Variants in CMTM8 observed in about 807,000 individuals in gnomAD.
CMTM8 encodes CKLF-like MARVEL transmembrane domain-containing protein 8.
CMTM8 carries 12 observed loss-of-function variants against 18.6 expected under a neutral mutation model. The ratio of observed to expected loss-of-function variants is 0.65; its 90% CI spans 0.41 to 1.05. The LOEUF (loss-of-function observed/expected upper bound fraction) is 1.05. Among genes scored for constraint, CMTM8 ranks in the 50% least tolerant of loss-of-function variants. The pLI is 0.00. For synonymous variants in CMTM8, 87 were observed against 90.6 expected (o/e 0.96, Z 0.23); for missense variants, 217 against 227.2 (o/e 0.95, Z 0.29).
intron 2 of CMTM8, among the ~76,000 whole-genome samples, chr3:32,363,415 C>T (rs571312211): frequency 6.6e-6 from 1 of 152,310 alleles, no homozygotes; most frequent in South Asian, 2.1e-4. Flanking sequence ...ACAGTGTTGA[C>T]ATTGTATATG....
chr3:32,309,585 G>A (rs1426092316), intron 1 of CMTM8, among the ~76,000 whole-genome samples: 1 of 152,030 alleles, frequency 6.6e-6, no homozygotes, highest in East Asian at 1.9e-4. Context: ...GTGATTGCAG[G>A]CATGAGCCAC....
chr3:32,357,406 G>A lies in CMTM8; in HGVS notation c.181G>A (p.Gly61Arg), dbSNP rs1270078869. ...GCTGCTGGTATGGACGCTTATTGCT[G>A]GAACTGAGTACTTCCGGGTCCCCGC... ...LGLLVWTLIA[G>R]TEYFRVPAFG... The change falls in exon 2 of 4, where the codon GGA becomes AGA. Residue 61 changes from glycine (G) to arginine (R), a missense_variant. By Grantham distance (125) the Gly-to-Arg change is moderately radical. Transcript: ENST00000307526. The A allele has an allele frequency of 6.2e-7, 1 of 1,613,982 alleles. No individual in the cohort carries two copies. The highest frequency in any genetic ancestry group is 1.3e-5 in the African/African-American group (1 of 74,968).
intron 1 of CMTM8, among the ~76,000 whole-genome samples, chr3:32,289,914 C>CAT (rs1702750984): frequency 6.6e-6 from 1 of 152,080 alleles, no homozygotes; most frequent in Non-Finnish European, 1.5e-5. Context: ...GTAGATTGCT[C>CAT]GAGCTTAGAA....
chr3:32,288,687 A>T lies in CMTM8; in HGVS notation c.147+49568A>T, dbSNP rs551075662. Among the ~76,000 whole-genome samples the T allele has an allele frequency of 1.1e-3, 170 of 152,216 alleles. 1 individual carries two copies. Among genetic ancestry groups the T allele is most frequent in the Middle Eastern group, 3.4e-3 (1 of 294 alleles). ...AGCTAATTTTTTGTATTTTTAGTAG[A>T]GACGGCATTTCACCATGTTAGCCAG... On this transcript the variant is annotated intron_variant, in intron 1 of 3. Transcript: ENST00000307526.
chr3:32,322,153 G>A (rs1696070207), intron 1 of CMTM8, among the ~76,000 whole-genome samples: 1 of 152,140 alleles, frequency 6.6e-6, no homozygotes. Flanking sequence ...TGTGTGTGAG[G>A]AAAACCACAG....
intron 1 of CMTM8, among the ~76,000 whole-genome samples, chr3:32,286,875 A>G (rs915763065): frequency 2.0e-5 from 3 of 152,242 alleles, no homozygotes; most frequent in Non-Finnish European, 4.4e-5. Flanking sequence ...CGCAGGTTGG[A>G]CAAGCTTGCT....
At chr3:32,322,081 C>T (rs982478017) in intron 1 of CMTM8, among the ~76,000 whole-genome samples, 1 of 152,162 alleles carries the variant, frequency 6.6e-6, no homozygotes, top group Non-Finnish European at 1.5e-5. Flanking sequence ...TGATGGAATT[C>T]CCTTCTCATG....
At chr3:32,331,948 G>C (rs1388224775) in intron 1 of CMTM8, among the ~76,000 whole-genome samples, 1 of 152,114 alleles carries the variant, frequency 6.6e-6, no homozygotes, top group Non-Finnish European at 1.5e-5. Flanking sequence ...AAAAGTTCTA[G>C]AGATCTTCTG....
chr3:32,353,858 C>T (rs1453701142), intron 1 of CMTM8, among the ~76,000 whole-genome samples: 3 of 149,258 alleles, frequency 2.0e-5, no homozygotes, highest in Admixed American at 6.7e-5. Context: ...GATCTCGGCT[C>T]ACTGCAGCCT....
At chr3:32,245,057 A>G (rs568930002) in intron 1 of CMTM8, among the ~76,000 whole-genome samples, 2 of 152,204 alleles carry the variant, frequency 1.3e-5, no homozygotes, top group South Asian at 2.1e-4. Context: ...CTGAATCAGG[A>G]TACTGCTTAT....
At chr3:32,350,916 C>G (rs1173642325) in intron 1 of CMTM8, among the ~76,000 whole-genome samples, 1 of 152,184 alleles carries the variant, frequency 6.6e-6, no homozygotes, top group Non-Finnish European at 1.5e-5. Flanking sequence ...GCCTCAGCCT[C>G]CCAAAGTGCT....
At chr3:32,246,215 C>T (rs1437335950) in intron 1 of CMTM8, among the ~76,000 whole-genome samples, 1 of 152,208 alleles carries the variant, frequency 6.6e-6, no homozygotes, top group Non-Finnish European at 1.5e-5. Flanking sequence ...TCCCTCTCCA[C>T]CCTGATCCTG....
At chr3:32,275,042 C>A (rs946615722) in intron 1 of CMTM8, among the ~76,000 whole-genome samples, 1 of 152,138 alleles carries the variant, frequency 6.6e-6, no homozygotes, top group Non-Finnish European at 1.5e-5. Context: ...CTCACTCAGT[C>A]GCCCTGGCTT....
At chr3:32,311,278 G>A (rs993717443) in intron 1 of CMTM8, among the ~76,000 whole-genome samples, 2 of 152,200 alleles carry the variant, frequency 1.3e-5, no homozygotes, top group Admixed American at 1.3e-4. Context: ...AAATTTCAGT[G>A]TCTACAAATA....
chr3:32,355,488 G>C (rs777384336), intron 1 of CMTM8, among the ~76,000 whole-genome samples: 5 of 152,024 alleles, frequency 3.3e-5, no homozygotes, highest in African/African-American at 9.7e-5. Flanking sequence ...CTCACTTCTC[G>C]ATATTCACTG....
At chr3:32,267,389 A>T (rs1261553654) in intron 1 of CMTM8, among the ~76,000 whole-genome samples, 1 of 152,170 alleles carries the variant, frequency 6.6e-6, no homozygotes, top group Non-Finnish European at 1.5e-5. Flanking sequence ...GGGAAAACTG[A>T]CTAGCCATAT....
chr3:32,323,244 T>C (rs946870058), intron 1 of CMTM8, among the ~76,000 whole-genome samples: 1 of 152,128 alleles, frequency 6.6e-6, no homozygotes, highest in African/African-American at 2.4e-5. Flanking sequence ...TCGGGTAGCT[T>C]TCTACTAGCC....
At chr3:32,346,999 A>G (rs973775958) in intron 1 of CMTM8, among the ~76,000 whole-genome samples, 1 of 150,988 alleles carries the variant, frequency 6.6e-6, no homozygotes, top group African/African-American at 2.4e-5. Context: ...TTGCTTGCTT[A>G]TTTACTTAAT....
chr3:32,342,034 G>T (rs1461751626), intron 1 of CMTM8, among the ~76,000 whole-genome samples: 1 of 151,976 alleles, frequency 6.6e-6, no homozygotes, highest in Non-Finnish European at 1.5e-5. Context: ...GATCACCTGA[G>T]GTCAGGAGTT....
Sources: gnomAD v4.1 joint callset for allele counts (sites outside exome capture counted in the v4.1 genomes callset) on GRCh38, gnomAD v4.1.1 for gene constraint, MANE v1.5 for transcripts, NCBI Gene and HGNC (gene_info 2026-07-23, HGNC 2026-07-21) for gene names.